Variants in SDK1 observed in about 807,000 individuals in gnomAD.
SDK1 encodes the protein protein sidekick-1.
In SDK1, 157 loss-of-function variants were observed where a neutral mutation model predicts 245.5. The observed-to-expected ratio is 0.64, with a 90% confidence interval of 0.56 to 0.73. SDK1 has a LOEUF of 0.73. Among genes scored for constraint, SDK1 ranks in the 30% least tolerant of loss-of-function variants. The pLI, the probability that SDK1 is intolerant of heterozygous loss-of-function variation, is 0.00. For synonymous variants in SDK1, 1,647 were observed against 1,278.5 expected, an observed-to-expected ratio of 1.29 and a Z score of -6.15; for missense variants, 3,583 against 3,002.3, an observed-to-expected ratio of 1.19 and a Z score of -4.52.
At chr7:3,558,136 C>T (rs938892167) in intron 1 of SDK1, among the ~76,000 whole-genome samples, 1 of 152,008 alleles carries the variant, frequency 6.6e-6, no homozygotes. Flanking sequence ...GGTATAGTTG[C>T]CGAATCAGAT....
At chr7:3,556,455 T>C (rs1779590559) in intron 1 of SDK1, among the ~76,000 whole-genome samples, 1 of 152,072 alleles carries the variant, frequency 6.6e-6, no homozygotes, top group African/African-American at 2.4e-5. Flanking sequence ...TACAAAAATA[T>C]AGTTAGAATG....
intron 17 of SDK1, among the ~76,000 whole-genome samples, chr7:4,040,183 G>C (rs78568092): frequency 0.054 from 8,180 of 152,210 alleles, 425 homozygotes; most frequent in African/African-American, 0.13. Flanking sequence ...GTTCTGATTG[G>C]ATCTTGCAGT....
At chr7:4,162,369 G>GTTGTTATTGTTA (rs776772572) in intron 32 of SDK1, among the ~76,000 whole-genome samples, 1 of 128,392 alleles carries the variant, frequency 7.8e-6, no homozygotes, top group East Asian at 2.3e-4. Context: ...TGTTGTTGTT[G>GTTGTTATTGTTA]TTATTATTAT....
At chr7:3,430,542 C>T (rs1443491363) in intron 1 of SDK1, among the ~76,000 whole-genome samples, 1 of 152,180 alleles carries the variant, frequency 6.6e-6, no homozygotes. Context: ...TCATTCCTCT[C>T]TTTCTGATGA....
At chr7:3,782,696 A>G (rs1780781715) in intron 4 of SDK1, among the ~76,000 whole-genome samples, 1 of 152,250 alleles carries the variant, frequency 6.6e-6, no homozygotes, top group Non-Finnish European at 1.5e-5. Context: ...ATATTTTACA[A>G]TAAAGTGTTG....
At chr7:3,718,545 A>G (rs1191571165) in intron 4 of SDK1, among the ~76,000 whole-genome samples, 2 of 120,042 alleles carry the variant, frequency 1.7e-5, no homozygotes, top group Non-Finnish European at 3.3e-5. Context: ...ATAAATAAAT[A>G]AATAAATAAA....
At chr7:3,786,074 G>C (rs1176417831) in intron 4 of SDK1, among the ~76,000 whole-genome samples, 1 of 152,164 alleles carries the variant, frequency 6.6e-6, no homozygotes, top group Admixed American at 6.5e-5. Flanking sequence ...GGATTGCAGT[G>C]AAATAGAGAG....
At chr7:3,475,791 C>T (rs753838080) in intron 1 of SDK1, among the ~76,000 whole-genome samples, 2 of 152,072 alleles carry the variant, frequency 1.3e-5, no homozygotes, top group South Asian at 2.1e-4. Flanking sequence ...CACAGATGCA[C>T]GGTTTCATAG....
intron 1 of SDK1, among the ~76,000 whole-genome samples, chr7:3,371,215 C>A (rs1445410794): frequency 6.6e-6 from 1 of 152,086 alleles, no homozygotes; most frequent in Non-Finnish European, 1.5e-5. Context: ...AAGTTCAAAT[C>A]TGAAAGGGAG....
intron 1 of SDK1, among the ~76,000 whole-genome samples, chr7:3,473,851 A>AT (rs997751213): frequency 3.3e-5 from 5 of 151,096 alleles, no homozygotes; most frequent in East Asian, 3.9e-4. Context: ...TATTTTTCTA[A>AT]TTTTTTTTTC....
At chr7:3,483,096 T>C (rs1018870197) in intron 1 of SDK1, among the ~76,000 whole-genome samples, 2 of 152,234 alleles carry the variant, frequency 1.3e-5, no homozygotes, top group African/African-American at 4.8e-5. Flanking sequence ...CTTACATATT[T>C]TATGTGAGTT....
intron 4 of SDK1, among the ~76,000 whole-genome samples, chr7:3,804,057 C>T (rs1035995303): frequency 6.6e-6 from 1 of 152,164 alleles, no homozygotes; most frequent in East Asian, 1.9e-4. Flanking sequence ...AGCCACCCTG[C>T]CCAGCAATAT....
intron 5 of SDK1, among the ~76,000 whole-genome samples, chr7:3,851,251 T>C (rs1308301746): frequency 6.6e-6 from 1 of 152,194 alleles, no homozygotes; most frequent in Non-Finnish European, 1.5e-5. Flanking sequence ...ACAATGTCTT[T>C]CTTGAAGACA....
chr7:3,359,597 A>G (rs1283234019), intron 1 of SDK1, among the ~76,000 whole-genome samples: 1 of 152,090 alleles, frequency 6.6e-6, no homozygotes, highest in Non-Finnish European at 1.5e-5. Flanking sequence ...TACCTCCTCT[A>G]AAGTGTCTGT....
chr7:3,359,815 A>G (rs551609001), intron 1 of SDK1, among the ~76,000 whole-genome samples: 1 of 152,314 alleles, frequency 6.6e-6, no homozygotes, highest in Non-Finnish European at 1.5e-5. Flanking sequence ...GGAGAAAGGA[A>G]TAATGTTCAG....
At chr7:3,912,896 A>G (rs116419366) in intron 5 of SDK1, among the ~76,000 whole-genome samples, 1 of 152,362 alleles carries the variant, frequency 6.6e-6, no homozygotes, top group African/African-American at 2.4e-5. Context: ...CCTTTCCACT[A>G]CGACATCTGT....
At chr7:3,871,794 T>C (rs1780963871) in intron 5 of SDK1, among the ~76,000 whole-genome samples, 1 of 152,126 alleles carries the variant, frequency 6.6e-6, no homozygotes, top group East Asian at 1.9e-4. Context: ...CCTCCAACAC[T>C]GGGGATCAAA....
At chr7:4,225,918 G>T (rs1785418054) in intron 40 of SDK1, among the ~76,000 whole-genome samples, 2 of 151,412 alleles carry the variant, frequency 1.3e-5, no homozygotes, top group East Asian at 3.9e-4. Context: ...TCCCCTTTCG[G>T]ATCATGAAGG....
chr7:4,222,696 G>A (rs1486305856), intron 40 of SDK1, among the ~76,000 whole-genome samples: 1 of 152,196 alleles, frequency 6.6e-6, no homozygotes, highest in African/African-American at 2.4e-5. Flanking sequence ...ATCCAGACGT[G>A]CTCGCCTGGG....
Sources: gnomAD v4.1 joint callset for allele counts (sites outside exome capture counted in the v4.1 genomes callset) on GRCh38, gnomAD v4.1.1 for gene constraint, MANE v1.5 for transcripts, NCBI Gene and HGNC (gene_info 2026-07-23, HGNC 2026-07-21) for gene names.